The following SMG6 variants were observed in gnomAD, a reference collection of about 807,000 sequenced individuals.
SMG6 encodes telomerase-binding protein EST1A.
SMG6 carries 66 observed loss-of-function variants against 142.2 expected under a neutral mutation model. The observed-to-expected ratio is 0.46, with a 90% CI of 0.38 to 0.57. SMG6 has a LOEUF of 0.57. Among genes scored for constraint, SMG6 ranks in the 20% least tolerant of loss-of-function variants. The pLI is 0.00. For missense variants in SMG6, 1,793 were observed against 1,832.0 expected (o/e 0.98, Z 0.39); for synonymous variants, 779 against 702.4 (o/e 1.11, Z -1.72).
intron 8 of SMG6, among the ~76,000 whole-genome samples, chr17:2,258,060 C>A (rs202111724): frequency 1.0e-5 from 1 of 95,500 alleles, no homozygotes. Context: ...CACACACACA[C>A]ACACACATAT....
intron 10 of SMG6, among the ~76,000 whole-genome samples, chr17:2,194,646 T>A (rs1327799545): frequency 6.8e-6 from 1 of 146,406 alleles, no homozygotes; most frequent in African/African-American, 2.6e-5. Context: ...GCCCAGTAGT[T>A]CAAGACCAGC....
At chr17:2,289,397 A>G (rs2074980930) in intron 6 of SMG6, among the ~76,000 whole-genome samples, 1 of 151,968 alleles carries the variant, frequency 6.6e-6, no homozygotes, top group African/African-American at 2.4e-5. Flanking sequence ...TCTATACAAA[A>G]AATCAAAATA....
At chr17:2,281,208 C>T (rs2074778250) in intron 8 of SMG6, among the ~76,000 whole-genome samples, 1 of 152,100 alleles carries the variant, frequency 6.6e-6, no homozygotes, top group Non-Finnish European at 1.5e-5. Context: ...TCATGACATC[C>T]TTGAACTCCT....
intron 8 of SMG6, among the ~76,000 whole-genome samples, chr17:2,251,696 G>A (rs934932701): frequency 1.3e-5 from 2 of 152,168 alleles, no homozygotes; most frequent in Non-Finnish European, 2.9e-5. Context: ...CAGACTGAGG[G>A]AAATTGAGCT....
chr17:2,090,132 G>A (rs1253189594), intron 13 of SMG6, among the ~76,000 whole-genome samples: 2 of 145,466 alleles, frequency 1.4e-5, no homozygotes, highest in Middle Eastern at 3.3e-3. Context: ...GCAGTGAGCC[G>A]AGATTGCACC....
rs533875574 is a variant in SMG6, at chr17:2,101,036, G to C, written c.3358-15135C>G. The C allele has an allele frequency of 5.3e-5, 8 of 152,298 alleles. No homozygotes were observed. In the East Asian group the frequency reaches 1.4e-3, roughly 26 times the overall value. 9.4% of individuals were successfully genotyped at this position (152,298 alleles called of 1,614,324 possible). On this transcript the variant is annotated intron_variant, in intron 13 of 18. Transcript: ENST00000263073. ...AAGGATGGAAGGTTAGGTCAAAGTG[G>C]TCACAATTTTACTAGACTCTTCAAA...
At position 2,064,107 on chromosome 17, in the gene SMG6, G is replaced by A. The variant is rs184067627; in HGVS notation, c.4129+966C>T. 7.5e-4 allele frequency among the ~76,000 whole-genome samples: 114 copies of A among 152,236 alleles called. 1 individual carries two copies. Among genetic ancestry groups the A allele is most frequent in the African/African-American group, 2.6e-3 (110 of 41,536 alleles). ...ACGCAGGAGAGAGTCAACTCCCAGA[G>A]CAGCCTGAACACAAGGGCTAGAAAG... On this transcript the variant is annotated intron_variant, in intron 18 of 18. Coordinates refer to ENST00000263073, the MANE Select transcript of SMG6 (RefSeq NM_017575.5).
At chr17:2,169,698 A>G (rs930320025) in intron 13 of SMG6, among the ~76,000 whole-genome samples, 1 of 152,168 alleles carries the variant, frequency 6.6e-6, no homozygotes, top group Admixed American at 6.5e-5. Context: ...GAGGTCAGAG[A>G]GCTTGGGAGT....
chr17:2,088,042 G>A, intron 13 of SMG6: 1 of 985,620 alleles, frequency 1.0e-6, no homozygotes. Context: ...GAGCTAAGGA[G>A]TGAGAAGAGG....
chr17:2,171,376 T>C (rs1597514227), intron 13 of SMG6, among the ~76,000 whole-genome samples: 2 of 151,814 alleles, frequency 1.3e-5, no homozygotes, highest in Admixed American at 1.3e-4. Context: ...TGTGTGTGTG[T>C]GTGTGTACTA....
chr17:2,252,776 C>T (rs2074076494), intron 8 of SMG6, among the ~76,000 whole-genome samples: 1 of 152,104 alleles, frequency 6.6e-6, no homozygotes, highest in Non-Finnish European at 1.5e-5. Context: ...TAAAGGTCTC[C>T]AGGTCACTGT....
intron 6 of SMG6, among the ~76,000 whole-genome samples, chr17:2,290,050 T>C (rs2074998034): frequency 6.6e-6 from 1 of 151,860 alleles, no homozygotes; most frequent in Non-Finnish European, 1.5e-5. Flanking sequence ...ACATCATTAG[T>C]TGCTAGGAGA....
At position 2,218,035 on chromosome 17, in the gene SMG6, A is replaced by C. The variant is rs371487796; in HGVS notation, c.2869+18457T>G. On this transcript the variant is annotated intron_variant, in intron 10 of 18. Transcript: ENST00000263073. Reference sequence around the variant, plus strand: ...AAAAAACAAAAACAAAAACAAAAAAAAAAACAATGAAAAGGACCATCAGAG... The same window carrying C: ...AAAAAACAAAAACAAAAACAAAAAACAAAACAATGAAAAGGACCATCAGAG... Among the ~76,000 whole-genome samples, 943 of 152,094 alleles carry C rather than the reference A, an allele frequency of 6.2e-3. 5 individuals are homozygous for C. Among genetic ancestry groups the C allele is most frequent in the Non-Finnish European group, 0.01 (681 of 67,964 alleles).
At chr17:2,257,788 C>T (rs951878590) in intron 8 of SMG6, among the ~76,000 whole-genome samples, 16 of 151,346 alleles carry the variant, frequency 1.1e-4, no homozygotes, top group Admixed American at 2.0e-4. Flanking sequence ...GGGGGCTGGG[C>T]GGATCACGAG....
At chr17:2,213,456 T>A (rs183931891) in intron 10 of SMG6, among the ~76,000 whole-genome samples, 1 of 152,078 alleles carries the variant, frequency 6.6e-6, no homozygotes, top group Non-Finnish European at 1.5e-5. Flanking sequence ...AACAACAGAA[T>A]GCAGGGCGGG....
At chr17:2,130,466 A>T (rs930302265) in intron 13 of SMG6, among the ~76,000 whole-genome samples, 3 of 151,918 alleles carry the variant, frequency 2.0e-5, no homozygotes, top group Non-Finnish European at 4.4e-5. Flanking sequence ...AAATATTGTA[A>T]ATATGGCAAT....
At chr17:2,153,690 G>A (rs2070898587) in intron 13 of SMG6, among the ~76,000 whole-genome samples, 2 of 144,088 alleles carry the variant, frequency 1.4e-5, no homozygotes, top group Admixed American at 7.0e-5. Context: ...GTGTGACGGT[G>A]ACTGGGGAAC....
At chr17:2,144,129 G>A (rs926094833) in intron 13 of SMG6, among the ~76,000 whole-genome samples, 1 of 139,940 alleles carries the variant, frequency 7.1e-6, no homozygotes, top group African/African-American at 2.7e-5. Context: ...TGCGATCTCG[G>A]CTCACTGCAA....
At chr17:2,088,128 C>A in intron 13 of SMG6, 1 of 985,440 alleles carries the variant, frequency 1.0e-6, no homozygotes, top group African/African-American at 1.7e-5. Context: ...GCTAAGTGTG[C>A]AGAGGAAACC....
Sources: gnomAD v4.1 joint callset for allele counts (sites outside exome capture counted in the v4.1 genomes callset) on GRCh38, gnomAD v4.1.1 for gene constraint, MANE v1.5 for transcripts, NCBI Gene and HGNC (gene_info 2026-07-23, HGNC 2026-07-21) for gene names.